Variants in CTNND2 observed in about 807,000 individuals in gnomAD.
CTNND2 encodes catenin delta-2.
CTNND2 carries 22 observed loss-of-function variants against 144.4 expected under a neutral mutation model. That is an observed-to-expected ratio of 0.15 (90% CI 0.11 to 0.22). The LOEUF is 0.22. CTNND2 is among the 10% of genes least tolerant of loss of function. The pLI is 1.00. For missense variants in CTNND2, 1,353 were observed against 1,618.8 expected (o/e 0.84, Z 2.82); for synonymous variants, 751 against 695.6 (o/e 1.08, Z -1.25).
chr5:11,526,326 G>A (rs760142912), intron 3 of CTNND2, among the ~76,000 whole-genome samples: 17 of 152,158 alleles, frequency 1.1e-4, no homozygotes, highest in Non-Finnish European at 1.6e-4. Flanking sequence ...ACCAGAAGCC[G>A]CCATACAAAC....
At chr5:10,990,245 TG>T (rs1467331410) in intron 19 of CTNND2, among the ~76,000 whole-genome samples, 1 of 152,194 alleles carries the variant, frequency 6.6e-6, no homozygotes, top group Non-Finnish European at 1.5e-5. Context: ...GGCTGGGACT[TG>T]GGCCATCTCT....
At chr5:11,085,363 T>G (rs764467171) in intron 15 of CTNND2, among the ~76,000 whole-genome samples, 3 of 152,218 alleles carry the variant, frequency 2.0e-5, no homozygotes, top group Non-Finnish European at 2.9e-5. Flanking sequence ...TATGTGTATG[T>G]TTGTGTGTAT....
At chr5:11,805,500 T>C (rs894055008) in intron 1 of CTNND2, among the ~76,000 whole-genome samples, 4 of 151,740 alleles carry the variant, frequency 2.6e-5, no homozygotes, top group Admixed American at 1.3e-4. Context: ...AACCTCATAA[T>C]GCCAGAAAAT....
intron 1 of CTNND2, among the ~76,000 whole-genome samples, chr5:11,784,965 T>C (rs1177293168): frequency 6.6e-6 from 1 of 152,256 alleles, no homozygotes; most frequent in Admixed American, 6.5e-5. Flanking sequence ...TTTGTGCTAA[T>C]TTGTTATGCA....
At chr5:11,655,946 A>G (rs1174301319) in intron 2 of CTNND2, among the ~76,000 whole-genome samples, 1 of 151,970 alleles carries the variant, frequency 6.6e-6, no homozygotes, top group Non-Finnish European at 1.5e-5. Context: ...GCGATCTTTG[A>G]CTTATTTCCA....
intron 2 of CTNND2, among the ~76,000 whole-genome samples, chr5:11,621,286 A>G (rs957516895): frequency 6.6e-6 from 1 of 152,338 alleles, no homozygotes; most frequent in Admixed American, 6.5e-5. Flanking sequence ...AATGCAAAAA[A>G]ATCTGTTCAG....
intron 3 of CTNND2, among the ~76,000 whole-genome samples, chr5:11,547,573 G>A (rs1179502727): frequency 2.0e-5 from 3 of 151,836 alleles, no homozygotes; most frequent in Admixed American, 2.0e-4. Context: ...TAAAATAAAA[G>A]ACAAACCACC....
intron 9 of CTNND2, among the ~76,000 whole-genome samples, chr5:11,320,037 T>A (rs1032518006): frequency 6.6e-5 from 10 of 152,176 alleles, no homozygotes; most frequent in Non-Finnish European, 2.9e-5. Flanking sequence ...CTAATCACAT[T>A]TGAAATGGAA....
At chr5:11,261,243 C>T (rs140373550) in intron 9 of CTNND2, among the ~76,000 whole-genome samples, 2 of 152,160 alleles carry the variant, frequency 1.3e-5, no homozygotes, top group East Asian at 1.9e-4. Context: ...TTGGGCTGGC[C>T]GTTTGTCCCA....
chr5:11,124,087 T>C (rs189044349), intron 12 of CTNND2, among the ~76,000 whole-genome samples: 1 of 152,164 alleles, frequency 6.6e-6, no homozygotes, highest in East Asian at 1.9e-4. Context: ...TGCTCAGAAA[T>C]TGATGGAAAT....
chr5:11,731,888 C>T (rs777564105), intron 2 of CTNND2, among the ~76,000 whole-genome samples: 2 of 151,962 alleles, frequency 1.3e-5, no homozygotes, highest in Admixed American at 6.6e-5. Flanking sequence ...AAAACTTCAC[C>T]CATAGGAAAT....
At chr5:11,666,391 C>A (rs1783571288) in intron 2 of CTNND2, among the ~76,000 whole-genome samples, 1 of 152,140 alleles carries the variant, frequency 6.6e-6, no homozygotes, top group Non-Finnish European at 1.5e-5. Context: ...GAATGAAACA[C>A]AGATAAATGA....
intron 12 of CTNND2, among the ~76,000 whole-genome samples, chr5:11,142,795 G>A (rs1319449789): frequency 6.6e-6 from 1 of 151,792 alleles, no homozygotes; most frequent in Non-Finnish European, 1.5e-5. Flanking sequence ...TGTATTTTTA[G>A]TAGAGACGGG....
At chr5:11,531,207 T>C (rs1773716743) in intron 3 of CTNND2, among the ~76,000 whole-genome samples, 1 of 152,006 alleles carries the variant, frequency 6.6e-6, no homozygotes, top group African/African-American at 2.4e-5. Context: ...AATAGTACCA[T>C]GAAAATATGT....
intron 14 of CTNND2, among the ~76,000 whole-genome samples, chr5:11,106,323 G>T (rs1242281708): frequency 1.3e-5 from 2 of 152,174 alleles, no homozygotes; most frequent in African/African-American, 2.4e-5. Flanking sequence ...ATAGGGGATT[G>T]GTTCGCCACG....
chr5:11,607,919 A>T (rs1353438891), intron 2 of CTNND2, among the ~76,000 whole-genome samples: 1 of 152,206 alleles, frequency 6.6e-6, no homozygotes, highest in Non-Finnish European at 1.5e-5. Flanking sequence ...ATTAGAAGAA[A>T]TTCTCAAGTT....
intron 9 of CTNND2, among the ~76,000 whole-genome samples, chr5:11,285,221 G>A (rs1747602381): frequency 6.6e-6 from 1 of 152,058 alleles, no homozygotes; most frequent in Non-Finnish European, 1.5e-5. Context: ...GCCCCCTCTT[G>A]GTAATTTTTC....
intron 1 of CTNND2, among the ~76,000 whole-genome samples, chr5:11,783,281 C>A (rs1790643633): frequency 1.3e-5 from 2 of 152,176 alleles, no homozygotes; most frequent in South Asian, 4.1e-4. Flanking sequence ...ATGACCTCCA[C>A]TGACAACTGT....
At chr5:11,320,869 G>T (rs1487121542) in intron 9 of CTNND2, among the ~76,000 whole-genome samples, 1 of 151,990 alleles carries the variant, frequency 6.6e-6, no homozygotes, top group Non-Finnish European at 1.5e-5. Flanking sequence ...AATAGGCCCT[G>T]GTTAATCTTA....
Sources: allele counts gnomAD v4.1 joint callset (sites outside exome capture counted in the v4.1 genomes callset), GRCh38; gene constraint gnomAD v4.1.1; transcripts MANE v1.5; gene names NCBI Gene and HGNC (gene_info 2026-07-23, HGNC 2026-07-21).